The following C11orf65 variants were observed in gnomAD, a reference collection of about 807,000 sequenced individuals.
C11orf65 encodes protein MFI.
C11orf65 carries 38 observed loss-of-function variants against 35.3 expected under a neutral mutation model. The observed-to-expected ratio is 1.08, with a 90% confidence interval of 0.83 to 1.41. C11orf65 has a LOEUF of 1.41. C11orf65 is among the 40% of genes most tolerant of loss of function. The pLI is 0.00. For missense variants in C11orf65, 370 were observed against 367.1 expected, an observed-to-expected ratio of 1.01 and a Z score of -0.06; for synonymous variants, 105 against 114.4, an observed-to-expected ratio of 0.92 and a Z score of 0.53.
At chr11:108,381,479 A>C (rs1432095654), downstream of C11orf65, among the ~76,000 whole-genome samples, 1 of 152,224 alleles carries the variant, frequency 6.6e-6, no homozygotes, top group Non-Finnish European at 1.5e-5. Context: ...AAAATTCTGA[A>C]GTACATTCTG....
chr11:108,357,149 G>A (rs2090063301), intron 2 of C11orf65, among the ~76,000 whole-genome samples: 1 of 152,212 alleles, frequency 6.6e-6, no homozygotes, highest in African/African-American at 2.4e-5. Flanking sequence ...CAAGGGTCAG[G>A]GAGTTCCCTT....
chr11:108,354,456 C>A (rs2089634327), intron 2 of C11orf65, among the ~76,000 whole-genome samples: 1 of 152,120 alleles, frequency 6.6e-6, no homozygotes, highest in Non-Finnish European at 1.5e-5. Flanking sequence ...TTGTAGTTTT[C>A]CCAGCATAGG....
downstream of C11orf65, chr11:108,330,198 A>G: frequency 1.2e-6 from 2 of 1,609,774 alleles, no homozygotes; most frequent in Non-Finnish European, 1.7e-6. Flanking sequence ...GTTTTACCTT[A>G]ATTATTCTAT....
rs143336321 is a variant in C11orf65, at chr11:108,347,589, C to A, written c.227-12297G>T. On this transcript the variant is annotated intron_variant, in intron 2 of 3. Coordinates refer to the C11orf65 transcript ENST00000524755. ...AGATGAGGTGTCTTTTGAGCCTGGT[C>A]TTCAAGAAAGAAAGAAAGCATAATT... Among the ~76,000 whole-genome samples the A allele has an allele frequency of 3.4e-3, 524 of 152,164 alleles. 2 individuals carry two copies. Among genetic ancestry groups the A allele is most frequent in the African/African-American group, 0.012 (499 of 41,530 alleles).
At chr11:108,325,251 T>A in intron 6 of C11orf65, 2 of 190,350 alleles carry the variant, frequency 1.1e-5, no homozygotes, top group Non-Finnish European at 1.5e-5. Context: ...CTTACATAGT[T>A]TTTTTTTTTT....
chr11:108,425,858 A>C (rs181468234), intron 3 of C11orf65, among the ~76,000 whole-genome samples: 2 of 152,348 alleles, frequency 1.3e-5, no homozygotes, highest in Admixed American at 1.3e-4. Flanking sequence ...CAAATCAATA[A>C]ATGTAATCCA....
intron 2 of C11orf65, among the ~76,000 whole-genome samples, chr11:108,458,333 G>A (rs547100105): frequency 2.5e-4 from 33 of 130,248 alleles, no homozygotes; most frequent in African/African-American, 8.8e-4. Flanking sequence ...TGCAGCCTGG[G>A]AGACAGAGCA....
In C11orf65 at chr11:108,387,217, C is replaced by T. The variant is rs577701881; in HGVS notation, c.732-1242G>A. On this transcript the variant is annotated intron_variant, in intron 7 of 8. Transcript: ENST00000393084. ...TGCCCTAGGCTGGAGTGTGATGGCA[C>T]GATCTCGGCTCACTGCAACCTTGGC... 4.4e-4 allele frequency among the ~76,000 whole-genome samples: 57 copies of T among 128,802 alleles called. No individual in the cohort carries two copies. In the South Asian group the frequency reaches 0.013, roughly 29 times the overall value. 84.5% of individuals were successfully genotyped at this position (128,802 alleles called of 152,430 possible).
intron 2 of C11orf65, chr11:108,347,218 G>T (rs2137074299): frequency 1.6e-6 from 2 of 1,250,612 alleles, no homozygotes; most frequent in Admixed American, 3.4e-5. Context: ...TGAAATTATG[G>T]CTATATATTA....
At position 108,421,014 on chromosome 11, in the gene C11orf65, C is replaced by T. The variant is rs11212622; in HGVS notation, c.174+10732G>A. ...ATTTAGTACTTTCATATTATACAGC[C>T]ACTACTTCCACAATATTTTCATCAC... On this transcript the variant is annotated intron_variant, in intron 3 of 8. Coordinates refer to ENST00000393084, the MANE Select transcript of C11orf65 (RefSeq NM_152587.5). Among the ~76,000 whole-genome samples the T allele has an allele frequency of 6.0e-3, 918 of 152,248 alleles. 6 individuals carry two copies. Among genetic ancestry groups the T allele is most frequent in the East Asian group, 0.01 (54 of 5,188 alleles).
At chr11:108,469,072 C>T (rs554087656), upstream of C11orf65, among the ~76,000 whole-genome samples, 1 of 151,824 alleles carries the variant, frequency 6.6e-6, no homozygotes, top group East Asian at 1.9e-4. Flanking sequence ...TCTCAATCTC[C>T]TGGTGGCGCG....
chr11:108,445,239 A>T (rs2093234284), intron 2 of C11orf65, among the ~76,000 whole-genome samples: 1 of 152,198 alleles, frequency 6.6e-6, no homozygotes, highest in Admixed American at 6.5e-5. Flanking sequence ...TCCCTGTCTG[A>T]CAGCTTTGAA....
chr11:108,332,290 G>A (rs2086346163), intron 3 of C11orf65, among the ~76,000 whole-genome samples: 1 of 151,994 alleles, frequency 6.6e-6, no homozygotes, highest in African/African-American at 2.4e-5. Flanking sequence ...AAAACAGCTG[G>A]GCATGGTGGT....
At chr11:108,314,523 T>C (rs2084449703) in intron 6 of C11orf65, among the ~76,000 whole-genome samples, 1 of 152,088 alleles carries the variant, frequency 6.6e-6, no homozygotes, top group Non-Finnish European at 1.5e-5. Flanking sequence ...CATGAAATTG[T>C]AGGCAATTCT....
At chr11:108,465,637 G>C (rs1474837986) in intron 1 of C11orf65, among the ~76,000 whole-genome samples, 1 of 151,934 alleles carries the variant, frequency 6.6e-6, no homozygotes, top group African/African-American at 2.4e-5. Flanking sequence ...GTGCTGTAAG[G>C]GAGCAGAAAA....
At chr11:108,310,700 C>T (rs1451392954) in intron 6 of C11orf65, among the ~76,000 whole-genome samples, 1 of 152,070 alleles carries the variant, frequency 6.6e-6, no homozygotes, top group Non-Finnish European at 1.5e-5. Flanking sequence ...AATTTCTAAA[C>T]TATTCAAGAT....
intron 3 of C11orf65, among the ~76,000 whole-genome samples, chr11:108,425,927 G>C (rs1340927562): frequency 1.3e-5 from 2 of 152,102 alleles, no homozygotes; most frequent in Non-Finnish European, 2.9e-5. Flanking sequence ...TGCAGAAAAG[G>C]CCTTTGATAA....
intron 2 of C11orf65, among the ~76,000 whole-genome samples, chr11:108,349,166 C>G (rs2088860936): frequency 6.6e-6 from 1 of 152,112 alleles, no homozygotes. Flanking sequence ...TCTTGGAAGG[C>G]AAGAGGGGAA....
intron 2 of C11orf65, among the ~76,000 whole-genome samples, chr11:108,435,615 A>G (rs1054881059): frequency 5.3e-5 from 8 of 152,236 alleles, no homozygotes; most frequent in African/African-American, 1.4e-4. Flanking sequence ...GCTTGCTGAA[A>G]AAAAGAGAGA....
Sources: gnomAD v4.1 joint callset for allele counts (sites outside exome capture counted in the v4.1 genomes callset) on GRCh38, gnomAD v4.1.1 for gene constraint, MANE v1.5 for transcripts, NCBI Gene and HGNC (gene_info 2026-07-23, HGNC 2026-07-21) for gene names.